The following PTCD3 variants were observed in gnomAD, a reference collection of about 807,000 sequenced individuals.
PTCD3 encodes pentatricopeptide repeat domain 3.
PTCD3 carries 89 observed loss-of-function variants against 101.9 expected under a neutral mutation model. The observed-to-expected ratio is 0.87, with a 90% CI of 0.74 to 1.04. The LOEUF is 1.04. Ranked by LOEUF, PTCD3 falls within the 50% of genes least tolerant of loss-of-function variation. The pLI, the probability that PTCD3 is intolerant of heterozygous loss-of-function variation, is 0.00. For missense variants in PTCD3, 870 were observed against 828.2 expected (o/e 1.05, Z -0.62); for synonymous variants, 296 against 278.5 (o/e 1.06, Z -0.63).
At chr2:86,135,936 T>G (rs1357149591) in intron 21 of PTCD3, 1 of 519,062 alleles carries the variant, frequency 1.9e-6, no homozygotes, top group Non-Finnish European at 3.8e-6. Flanking sequence ...TGTATGTGTT[T>G]CTCCTTTGTC....
At chr2:86,112,964 T>G (rs566024433) in intron 4 of PTCD3, among the ~76,000 whole-genome samples, 12 of 152,308 alleles carry the variant, frequency 7.9e-5, no homozygotes, top group African/African-American at 2.9e-4. Flanking sequence ...CTGACAATCA[T>G]GTAATGATTA....
At position 86,138,186 on chromosome 2, in the gene PTCD3, G is replaced by A. The variant is rs996177888; in HGVS notation, c.*627G>A. ...AGCCGCTGCCATAGTTTTCTAACTT[G>A]AACAGCCATGAATGTTTCATGTCTC... On this transcript the variant is annotated 3_prime_UTR_variant, in exon 24 of 24. Transcript: ENST00000254630. The A allele has an allele frequency of 9.2e-5, 14 of 152,448 alleles. No individual in the cohort carries two copies. Among genetic ancestry groups the A allele is most frequent in the African/African-American group, 3.1e-4 (13 of 41,414 alleles). The allele number at this position is 152,448 out of a possible 1,614,324, so 9.4% of individuals were successfully genotyped here.
At chr2:86,113,752 G>C (rs570329420) in intron 4 of PTCD3, among the ~76,000 whole-genome samples, 1 of 151,956 alleles carries the variant, frequency 6.6e-6, no homozygotes, top group African/African-American at 2.4e-5. Flanking sequence ...TGGAGGTTGC[G>C]GTGAGCCAGG....
intron 22 of PTCD3, 96 bp from the exon 23 acceptor site, chr2:86,136,886 G>A: frequency 1.4e-6 from 2 of 1,436,754 alleles, no homozygotes; most frequent in Non-Finnish European, 1.9e-6. Flanking sequence ...CAGAAATACT[G>A]TTGGGAATTC....
chr2:86,123,679 T>G (rs1406242722), intron 8 of PTCD3, 22 bp from the exon 9 acceptor site: 2 of 1,561,964 alleles, frequency 1.3e-6, no homozygotes, highest in Middle Eastern at 1.7e-4. Flanking sequence ...CTTTTATTTC[T>G]TTTGATGATT....
At chr2:86,120,725 T>C (rs906797431) in intron 7 of PTCD3, among the ~76,000 whole-genome samples, 4 of 152,140 alleles carry the variant, frequency 2.6e-5, no homozygotes, top group Admixed American at 1.3e-4. Context: ...CGAGACCTCA[T>C]CTCTACAAAA....
intron 2 of PTCD3, 40 bp downstream of exon 2, chr2:86,108,442 C>T: frequency 6.3e-7 from 1 of 1,591,628 alleles, no homozygotes; most frequent in African/African-American, 1.4e-5. Context: ...TTTATATCAA[C>T]ACGTTGGATT....
In PTCD3 at chr2:86,132,404, TC is replaced by T; in HGVS notation, c.1354del (p.Gln452AsnfsTer13). 4 of 1,595,372 alleles carry T rather than the reference TC, an allele frequency of 2.5e-6. No homozygotes were observed. Among genetic ancestry groups the T allele is most frequent in the Non-Finnish European group, 3.4e-6 (4 of 1,163,380 alleles). On this transcript the variant is annotated frameshift_variant, in exon 17 of 24. Coordinates refer to ENST00000254630, the MANE Select transcript of PTCD3 (RefSeq NM_017952.6). LOFTEE classifies it high-confidence loss of function. ...ACAACTGGAAATTCATTGGACCTGA[TC>T]AACATCGTAATTTCTATTAGTAAGT... ...GDNWKFIGPD[Q>X]HRNFYYSKFF...
At chr2:86,123,564 T>C (rs1379305581) in intron 8 of PTCD3, 137 bp from the exon 9 acceptor site, 7 of 612,972 alleles carry the variant, frequency 1.1e-5, no homozygotes, top group Non-Finnish European at 1.9e-5. Context: ...TAACTGGGCT[T>C]CCTCTTTGCC....
intron 8 of PTCD3, among the ~76,000 whole-genome samples, chr2:86,122,135 A>G (rs1273618562): frequency 6.6e-6 from 1 of 152,226 alleles, no homozygotes; most frequent in Non-Finnish European, 1.5e-5. Context: ...TTATACTTGC[A>G]AAAATGTTGA....
chr2:86,108,207 CTG>C (rs1416525187), intron 1 of PTCD3, 141 bp from the exon 2 acceptor site: 2 of 862,094 alleles, frequency 2.3e-6, no homozygotes, highest in Non-Finnish European at 3.6e-6. Flanking sequence ...TGTGTACAGA[CTG>C]TCTTCTCAGC....
chr2:86,135,651 A>T (rs1431928678), intron 21 of PTCD3, among the ~76,000 whole-genome samples: 1 of 152,158 alleles, frequency 6.6e-6, no homozygotes, highest in South Asian at 2.1e-4. Flanking sequence ...TCTAAAAGTC[A>T]TTAGTGGGGG....
In PTCD3 at chr2:86,141,983, C is replaced by T. The variant is rs539749592; in HGVS notation, c.*4424C>T. ...TACATCTCAGGAAGATTTTTAAGCA[C>T]GAGGAAGGAAAATACAGGCCTGGCC... On this transcript the variant is annotated 3_prime_UTR_variant, in exon 24 of 24. Transcript: ENST00000254630. 1.3e-5 allele frequency: 2 copies of T among 152,064 alleles called. No individual in the cohort carries two copies. The highest frequency in any genetic ancestry group is 2.9e-5 in the Non-Finnish European group (2 of 68,040). The allele number at this position is 152,064 out of a possible 1,614,324, so 9.4% of individuals were successfully genotyped here.
At position 86,137,397 on chromosome 2, in the gene PTCD3, G is replaced by T. The variant is rs1346543325; in HGVS notation, c.1980-72G>T. ...TTCAAAACTGACAGGCTATAGGTGA[G>T]TGTCAGAGACACCGAGAACCCCAGC... On this transcript the variant is annotated intron_variant, in intron 23 of 23. Transcript: ENST00000254630. The T allele has an allele frequency of 3.8e-6, 6 of 1,595,564 alleles. No homozygotes were observed. In the African/African-American group the frequency reaches 6.7e-5, roughly 18 times the overall value.
Position 86,123,743 on chromosome 2 carries a change from C to T in PTCD3, c.697C>T (p.Gln233Ter), listed in dbSNP as rs1411699870. 1 of 1,601,608 alleles carries T rather than the reference C, an allele frequency of 6.2e-7. No homozygotes were observed. Among genetic ancestry groups the T allele is most frequent in the African/African-American group, 1.3e-5 (1 of 74,330 alleles). Residue 233 changes from glutamine to a stop codon, truncating the protein, a stop_gained, in exon 9 of 24, where the codon CAG becomes TAG. Coordinates refer to ENST00000254630, the MANE Select transcript of PTCD3 (RefSeq NM_017952.6). LOFTEE classifies it high-confidence loss of function. ...GACATCTAGGAGGAAAGCTGGTCAT[C>T]AGTTTGGAGTTACATGGCGGTATGT... ...DETSRRKAGHQFGVTWRAKNN... is the reference protein window; with the variant it reads ...DETSRRKAGH
At chr2:86,110,487 T>G (rs753882468) in intron 3 of PTCD3, among the ~76,000 whole-genome samples, 20 of 152,250 alleles carry the variant, frequency 1.3e-4, no homozygotes, top group Admixed American at 3.9e-4. Context: ...GAGATCAAAT[T>G]ATCTTGTCTG....
In PTCD3 at chr2:86,106,293, C is replaced by G; in HGVS notation, c.46C>G (p.Leu16Val). 28 of 1,613,316 alleles carry G rather than the reference C, an allele frequency of 1.7e-5. No individual in the cohort carries two copies. Among genetic ancestry groups the G allele is most frequent in the Non-Finnish European group, 2.4e-5 (28 of 1,179,948 alleles). ...AVRWLGLRSR[L>V]GQPLTGRRAG... ...TCGCTGGCTGGGCCTCCGCAGCAGG[C>G]TTGGCCAGCCGCTGACGGGTCGGCG... is the stretch of plus-strand genomic sequence containing the variant. The change falls in exon 1 of 24, where the codon CTT becomes GTT. Residue 16 changes from leucine (L) to valine (V), a missense_variant. By Grantham distance (32) the Leu-to-Val change is conservative. Coordinates refer to ENST00000254630, the MANE Select transcript of PTCD3 (RefSeq NM_017952.6).
chr2:86,120,703 T>A (rs1349256764), intron 7 of PTCD3, among the ~76,000 whole-genome samples: 8 of 152,316 alleles, frequency 5.3e-5, no homozygotes, highest in Admixed American at 5.2e-4. Flanking sequence ...AAGACCAGCC[T>A]GGGCAACATA....
chr2:86,128,079 T>C, intron 14 of PTCD3, 88 bp downstream of exon 14: 1 of 1,085,252 alleles, frequency 9.2e-7, no homozygotes, highest in Non-Finnish European at 1.4e-6. Context: ...AGTTATCTTC[T>C]CTGCATATGA....
Sources: gnomAD v4.1 joint callset for allele counts (sites outside exome capture counted in the v4.1 genomes callset) on GRCh38, gnomAD v4.1.1 for gene constraint, MANE v1.5 for transcripts, NCBI Gene and HGNC (gene_info 2026-07-23, HGNC 2026-07-21) for gene names.